GDPD4: variants seen among roughly 807,000 people sequenced by gnomAD.
GDPD4 encodes glycerophosphodiester phosphodiesterase 6.
In GDPD4, 60 loss-of-function variants were observed where a neutral mutation model predicts 67.8. The observed-to-expected ratio is 0.88, with a 90% confidence interval of 0.72 to 1.10. The LOEUF (loss-of-function observed/expected upper bound fraction) is 1.10. GDPD4 is among the 50% of genes least tolerant of loss of function. The pLI is 0.00. For synonymous variants in GDPD4, 212 were observed against 210.9 expected (o/e 1.00, Z -0.04); for missense variants, 623 against 613.9 (o/e 1.01, Z -0.16).
At chr11:77,282,347 C>A (rs899115368) in intron 3 of GDPD4, among the ~76,000 whole-genome samples, 44 of 151,904 alleles carry the variant, frequency 2.9e-4, no homozygotes, top group African/African-American at 9.2e-4. Flanking sequence ...TAAAATAAGG[C>A]AAGAAAAGAG....
chr11:77,272,322 C>T (rs781286922), intron 5 of GDPD4, among the ~76,000 whole-genome samples: 2 of 152,098 alleles, frequency 1.3e-5, no homozygotes, highest in Non-Finnish European at 2.9e-5. Flanking sequence ...AAAATACATA[C>T]ATAGATGAAA....
At chr11:77,221,481 C>T (rs930712435) in intron 16 of GDPD4, among the ~76,000 whole-genome samples, 5 of 152,122 alleles carry the variant, frequency 3.3e-5, no homozygotes, top group South Asian at 2.1e-4. Flanking sequence ...GCCTTCATTT[C>T]GTTATGTACC....
chr11:77,263,476 A>C (rs1959158459), intron 10 of GDPD4, among the ~76,000 whole-genome samples: 1 of 152,196 alleles, frequency 6.6e-6, no homozygotes, highest in Non-Finnish European at 1.5e-5. Flanking sequence ...ATCCAACAGT[A>C]GAGATGAAGT....
chr11:77,236,731 C>A (rs7111947), intron 13 of GDPD4, among the ~76,000 whole-genome samples: 92,722 of 138,722 alleles, frequency 0.67, 28,820 homozygotes, highest in African/African-American at 0.74. Flanking sequence ...AAGAAGGAAA[C>A]ACACACACAC....
chr11:77,252,074 T>G (rs1958914953), intron 11 of GDPD4, among the ~76,000 whole-genome samples: 1 of 148,742 alleles, frequency 6.7e-6, no homozygotes, highest in Non-Finnish European at 1.5e-5. Context: ...TGTTTTTTTT[T>G]TTTTTTTGAG....
At chr11:77,292,079 A>G (rs1159907465) in intron 1 of GDPD4, among the ~76,000 whole-genome samples, 1 of 152,024 alleles carries the variant, frequency 6.6e-6, no homozygotes, top group East Asian at 1.9e-4. Context: ...TTGGTATCTG[A>G]TCATACACAT....
chr11:77,266,237 G>T (rs1475691738), intron 10 of GDPD4, among the ~76,000 whole-genome samples: 1 of 152,124 alleles, frequency 6.6e-6, no homozygotes. Flanking sequence ...TGACAATTCA[G>T]TCAACAACGG....
chr11:77,271,173 A>G lies in GDPD4; in HGVS notation c.357T>C (p.Leu119=). 1 of 1,613,090 alleles carries G rather than the reference A, an allele frequency of 6.2e-7. No individual in the cohort carries two copies. The highest frequency in any genetic ancestry group is 8.5e-7 in the Non-Finnish European group (1 of 1,179,732). ...CCACGTAGAAGGCCACAGGCCAGAA[A>G]AGGATAACCATCACAGTTATGCTGA... The part of the protein sequence containing the change: ...HLVSITVMVI[L]FWPVAFYVAC... Residue 119 remains leucine, a synonymous_variant, in exon 7 of 17, where the codon CTT becomes CTC. Transcript: ENST00000315938.
At chr11:77,297,051 C>CA (rs779806559) in intron 1 of GDPD4, among the ~76,000 whole-genome samples, 1,293 of 70,054 alleles carry the variant, frequency 0.018, 11 homozygotes, top group Non-Finnish European at 0.031. Context: ...GAGACTGCCT[C>CA]AAAAAAAACA....
chr11:77,250,149 T>C (rs141120159), intron 11 of GDPD4, among the ~76,000 whole-genome samples: 34 of 152,306 alleles, frequency 2.2e-4, no homozygotes, highest in African/African-American at 6.5e-4. Context: ...GTTACCTGGG[T>C]ATATTGCATG....
At chr11:77,261,128 A>G (rs1391319945) in intron 10 of GDPD4, among the ~76,000 whole-genome samples, 1 of 152,216 alleles carries the variant, frequency 6.6e-6, no homozygotes, top group Non-Finnish European at 1.5e-5. Context: ...TGAAATTACT[A>G]CTATATTTTT....
chr11:77,241,502 T>C (rs762033432), intron 13 of GDPD4, among the ~76,000 whole-genome samples: 51 of 152,014 alleles, frequency 3.4e-4, no homozygotes, highest in Non-Finnish European at 6.8e-4. Flanking sequence ...GCCAAGTGTG[T>C]TGGCATGTGC....
rs1292016162 is a variant in GDPD4, at chr11:77,216,852, A to C, written c.*425T>G. The stretch of plus-strand genomic sequence containing the variant: ...GCTAATTCTTCTTTGGAAACACAGA[A>C]GGCTATGTCAGATGCAATGGAATAT... On this transcript the variant is annotated 3_prime_UTR_variant, in exon 17 of 17. Coordinates refer to ENST00000315938, the MANE Select transcript of GDPD4 (RefSeq NM_182833.3). 3.1e-6 allele frequency: 2 copies of C among 636,578 alleles called. No individual in the cohort carries two copies. Among genetic ancestry groups the C allele is most frequent in the African/African-American group, 3.6e-5 (2 of 54,878 alleles). 39.4% of individuals were successfully genotyped at this position (636,578 alleles called of 1,614,324 possible).
At chr11:77,227,763 A>G (rs1958371406) in intron 16 of GDPD4, 101 bp downstream of exon 16, 7 of 756,850 alleles carry the variant, frequency 9.2e-6, no homozygotes, top group Non-Finnish European at 1.6e-5. Flanking sequence ...AACTTTCCAG[A>G]CACCCTCAGC....
At chr11:77,259,483 GA>G (rs779901311) in intron 10 of GDPD4, among the ~76,000 whole-genome samples, 1 of 148,940 alleles carries the variant, frequency 6.7e-6, no homozygotes, top group East Asian at 2.0e-4. Flanking sequence ...TAAGCCACTA[GA>G]AAACTGGACA....
At chr11:77,222,437 C>T (rs1360722459) in intron 16 of GDPD4, among the ~76,000 whole-genome samples, 1 of 152,170 alleles carries the variant, frequency 6.6e-6, no homozygotes, top group Non-Finnish European at 1.5e-5. Flanking sequence ...AATCTCTCAG[C>T]ATTTGCTTGT....
chr11:77,276,232 A>G lies in GDPD4; in HGVS notation c.148-12T>C, dbSNP rs760262373. On this transcript the variant is annotated splice_polypyrimidine_tract_variant and intron_variant, in intron 4 of 16. Coordinates refer to ENST00000315938, the MANE Select transcript of GDPD4 (RefSeq NM_182833.3). ...AAAAATCCAAGTAACTGCAAAAGCAAAGAAGAAAAAGAGAGTTATTTTGAA... is the reference window on the plus strand; with the variant it reads ...AAAAATCCAAGTAACTGCAAAAGCAGAGAAGAAAAAGAGAGTTATTTTGAA... 3 of 1,609,762 alleles carry G rather than the reference A, an allele frequency of 1.9e-6. No homozygotes were observed. Among genetic ancestry groups the G allele is most frequent in the Non-Finnish European group, 2.6e-6 (3 of 1,176,024 alleles).
intron 10 of GDPD4, among the ~76,000 whole-genome samples, chr11:77,261,769 AG>A (rs1959123367): frequency 6.6e-6 from 1 of 152,178 alleles, no homozygotes; most frequent in Non-Finnish European, 1.5e-5. Flanking sequence ...CCACCAACTC[AG>A]CTTTTAGTGT....
At chr11:77,220,356 CTTA>C (rs1045010867) in intron 16 of GDPD4, among the ~76,000 whole-genome samples, 74 of 148,308 alleles carry the variant, frequency 5.0e-4, no homozygotes, top group African/African-American at 1.8e-3. Context: ...ATAAATAGCT[CTTA>C]TTATTTTGAG....
Sources: allele counts gnomAD v4.1 joint callset (sites outside exome capture counted in the v4.1 genomes callset), GRCh38; gene constraint gnomAD v4.1.1; transcripts MANE v1.5; gene names NCBI Gene and HGNC (gene_info 2026-07-23, HGNC 2026-07-21).